SPOCK3: variants seen among roughly 807,000 people sequenced by gnomAD.
SPOCK3 encodes SPARC (osteonectin), cwcv and kazal like domains proteoglycan 3.
SPOCK3 carries 30 observed loss-of-function variants against 56.6 expected under a neutral mutation model. That is an observed-to-expected ratio of 0.53 (90% confidence interval 0.40 to 0.72). The LOEUF is 0.72. Among genes scored for constraint, SPOCK3 ranks in the 30% least tolerant of loss-of-function variants. SPOCK3 has a pLI of 0.00. For missense variants in SPOCK3, 527 were observed against 530.0 expected (o/e 0.99, Z 0.06); for synonymous variants, 196 against 183.3 (o/e 1.07, Z -0.56).
intron 6 of SPOCK3, among the ~76,000 whole-genome samples, chr4:166,808,660 CT>C (rs1202453359): frequency 6.6e-6 from 1 of 152,132 alleles, no homozygotes. Context: ...AACTAATATA[CT>C]TCCTGAAAGC....
At chr4:167,058,609 C>T (rs1333734450) in intron 3 of SPOCK3, among the ~76,000 whole-genome samples, 2 of 152,134 alleles carry the variant, frequency 1.3e-5, no homozygotes, top group Admixed American at 1.3e-4. Flanking sequence ...CCATCCCCAT[C>T]AAGCTACCAA....
intron 2 of SPOCK3, among the ~76,000 whole-genome samples, chr4:167,225,310 G>A (rs1035643221): frequency 1.3e-5 from 2 of 152,028 alleles, no homozygotes; most frequent in Non-Finnish European, 2.9e-5. Flanking sequence ...ATTTGGAGGT[G>A]GGAGACAACA....
chr4:167,116,484 A>C (rs372155205), intron 2 of SPOCK3, among the ~76,000 whole-genome samples: 11,978 of 51,510 alleles, frequency 0.23, 690 homozygotes, highest in South Asian at 0.44. Context: ...GTATATATAT[A>C]CTTTTGTGTA....
At chr4:167,152,659 C>T (rs1265345372) in intron 2 of SPOCK3, among the ~76,000 whole-genome samples, 1 of 152,098 alleles carries the variant, frequency 6.6e-6, no homozygotes, top group Non-Finnish European at 1.5e-5. Context: ...ATTATGAGTG[C>T]TTGTTGATGG....
At chr4:166,906,986 T>A (rs1402682516) in intron 5 of SPOCK3, among the ~76,000 whole-genome samples, 1 of 152,102 alleles carries the variant, frequency 6.6e-6, no homozygotes, top group Non-Finnish European at 1.5e-5. Context: ...CCAGTTAACA[T>A]ATTTAAAATA....
chr4:167,142,013 A>G (rs1561260198), intron 2 of SPOCK3, among the ~76,000 whole-genome samples: 1 of 152,080 alleles, frequency 6.6e-6, no homozygotes. Context: ...TCAATGGACC[A>G]ATGGCTTCTA....
At chr4:167,117,350 C>T (rs957348462) in intron 2 of SPOCK3, among the ~76,000 whole-genome samples, 1 of 152,076 alleles carries the variant, frequency 6.6e-6, no homozygotes, top group Non-Finnish European at 1.5e-5. Context: ...GACCTGCCTA[C>T]CAATTCTTTT....
chr4:166,905,907 A>T (rs1736555031), intron 5 of SPOCK3, among the ~76,000 whole-genome samples: 1 of 152,046 alleles, frequency 6.6e-6, no homozygotes, highest in Non-Finnish European at 1.5e-5. Context: ...AATTTAATAA[A>T]GGGCATTATG....
chr4:166,775,782 T>C (rs939396554), intron 7 of SPOCK3, among the ~76,000 whole-genome samples: 1 of 152,196 alleles, frequency 6.6e-6, no homozygotes, highest in African/African-American at 2.4e-5. Flanking sequence ...TGGCAAATAG[T>C]ATGAATTTAA....
intron 2 of SPOCK3, among the ~76,000 whole-genome samples, chr4:167,125,342 T>C (rs1157900422): frequency 6.6e-6 from 1 of 150,402 alleles, no homozygotes; most frequent in African/African-American, 2.4e-5. Flanking sequence ...ATACCTTGAT[T>C]AGAGATCTTA....
At chr4:166,891,247 T>A (rs1734747400) in intron 5 of SPOCK3, among the ~76,000 whole-genome samples, 1 of 152,050 alleles carries the variant, frequency 6.6e-6, no homozygotes, top group African/African-American at 2.4e-5. Flanking sequence ...ACTGCCATAA[T>A]TTACTCAGAG....
intron 6 of SPOCK3, among the ~76,000 whole-genome samples, chr4:166,865,316 G>C (rs1579468979): frequency 6.6e-6 from 1 of 152,078 alleles, no homozygotes; most frequent in Admixed American, 6.6e-5. Flanking sequence ...CAAACCTATA[G>C]CCAATATCAA....
chr4:167,115,085 T>C (rs1299974819), intron 2 of SPOCK3, among the ~76,000 whole-genome samples: 1 of 152,126 alleles, frequency 6.6e-6, no homozygotes. Context: ...TAATATTTGA[T>C]ATTGCGAACA....
intron 2 of SPOCK3, among the ~76,000 whole-genome samples, chr4:167,100,450 C>CTA (rs1759541828): frequency 6.6e-6 from 1 of 150,678 alleles, no homozygotes; most frequent in Non-Finnish European, 1.5e-5. Context: ...CTGTCTCTCT[C>CTA]TCTCTCTCAC....
intron 2 of SPOCK3, among the ~76,000 whole-genome samples, chr4:167,096,077 A>C (rs182530398): frequency 2.8e-4 from 43 of 152,028 alleles, no homozygotes; most frequent in Non-Finnish European, 5.5e-4. Context: ...TCTATGTGCA[A>C]AACTATAAAT....
At chr4:167,122,947 G>C (rs976681608) in intron 2 of SPOCK3, among the ~76,000 whole-genome samples, 4 of 151,264 alleles carry the variant, frequency 2.6e-5, no homozygotes, top group African/African-American at 9.7e-5. Context: ...TAAACACTAT[G>C]TTACCAAATA....
At chr4:167,210,069 A>G (rs1203543553) in intron 2 of SPOCK3, among the ~76,000 whole-genome samples, 1 of 152,200 alleles carries the variant, frequency 6.6e-6, no homozygotes, top group Non-Finnish European at 1.5e-5. Context: ...TCATCAGCTT[A>G]GCAGGTTTTG....
chr4:166,924,100 C>T (rs190378540), intron 4 of SPOCK3, among the ~76,000 whole-genome samples: 44 of 152,142 alleles, frequency 2.9e-4, no homozygotes, highest in African/African-American at 8.4e-4. Context: ...TTAGCTTGCC[C>T]GTTAAAAGCC....
chr4:166,919,262 A>C (rs1468348904), intron 4 of SPOCK3, among the ~76,000 whole-genome samples: 1 of 152,232 alleles, frequency 6.6e-6, no homozygotes, highest in African/African-American at 2.4e-5. Flanking sequence ...TTTAAAGTAC[A>C]TGCTTTACAG....
Sources: gnomAD v4.1 joint callset for allele counts (sites outside exome capture counted in the v4.1 genomes callset) on GRCh38, gnomAD v4.1.1 for gene constraint, MANE v1.5 for transcripts, NCBI Gene and HGNC (gene_info 2026-07-23, HGNC 2026-07-21) for gene names.